PARD3: variants seen among roughly 807,000 people sequenced by gnomAD.
PARD3 encodes the protein partitioning defective 3 homolog.
A neutral mutation model predicts 155.4 loss-of-function variants in PARD3; 75 were observed. The observed-to-expected ratio is 0.48, with a 90% CI of 0.40 to 0.58. PARD3 has a LOEUF of 0.58. Among genes scored for constraint, PARD3 ranks in the 20% least tolerant of loss-of-function variants. The pLI is 0.00. For missense variants in PARD3, 1,642 were observed against 1,721.7 expected (o/e 0.95, Z 0.82); for synonymous variants, 576 against 610.5 (o/e 0.94, Z 0.83).
intron 1 of PARD3, among the ~76,000 whole-genome samples, chr10:34,760,213 GTATT>G (rs1837275746): frequency 6.6e-6 from 1 of 151,934 alleles, no homozygotes; most frequent in Non-Finnish European, 1.5e-5. Context: ...TGTAGAAACA[GTATT>G]TATTATGTTG....
intron 7 of PARD3, among the ~76,000 whole-genome samples, chr10:34,397,081 T>C (rs1330667350): frequency 6.6e-6 from 1 of 152,218 alleles, no homozygotes; most frequent in Non-Finnish European, 1.5e-5. Context: ...TCATCTTTGT[T>C]TCCTAGCACC....
chr10:34,261,276 TA>T (rs992053146), intron 22 of PARD3, among the ~76,000 whole-genome samples: 12 of 151,422 alleles, frequency 7.9e-5, no homozygotes, highest in African/African-American at 2.0e-4. Flanking sequence ...TTCAAGCAAA[TA>T]AAAAAAACAT....
intron 14 of PARD3, among the ~76,000 whole-genome samples, chr10:34,349,749 A>G (rs190910117): frequency 2.5e-4 from 38 of 152,134 alleles, no homozygotes; most frequent in Non-Finnish European, 4.6e-4. Flanking sequence ...ATAATTTATC[A>G]AAAGACAGAC....
chr10:34,447,646 C>CA (rs201638307), intron 5 of PARD3, among the ~76,000 whole-genome samples: 20 of 148,318 alleles, frequency 1.3e-4, no homozygotes, highest in Admixed American at 9.4e-4. Flanking sequence ...ACTAAAAATA[C>CA]AAAAAAAAAT....
At chr10:34,729,081 T>C (rs558207097) in intron 1 of PARD3, among the ~76,000 whole-genome samples, 1 of 152,210 alleles carries the variant, frequency 6.6e-6, no homozygotes, top group Admixed American at 6.5e-5. Context: ...AGGTGTGCAG[T>C]AGGCTCTGCA....
At chr10:34,405,405 A>C (rs1225904226) in intron 5 of PARD3, among the ~76,000 whole-genome samples, 2 of 152,224 alleles carry the variant, frequency 1.3e-5, no homozygotes, top group Non-Finnish European at 2.9e-5. Flanking sequence ...CCACTCGATC[A>C]AATAAAAAAC....
At chr10:34,735,754 T>C (rs1183457186) in intron 1 of PARD3, among the ~76,000 whole-genome samples, 1 of 152,234 alleles carries the variant, frequency 6.6e-6, no homozygotes, top group Non-Finnish European at 1.5e-5. Flanking sequence ...TTTTTATTCC[T>C]TTTAAAGTAA....
chr10:34,165,633 G>A (rs535150181), intron 22 of PARD3, among the ~76,000 whole-genome samples: 80 of 152,304 alleles, frequency 5.3e-4, no homozygotes, highest in African/African-American at 1.9e-3. Flanking sequence ...CTCAAATGAT[G>A]TTCTAACAGC....
intron 22 of PARD3, among the ~76,000 whole-genome samples, chr10:34,254,470 T>C (rs1454705353): frequency 6.6e-6 from 1 of 152,058 alleles, no homozygotes; most frequent in East Asian, 1.9e-4. Context: ...CTTTTTGTCA[T>C]TGTAATTGTG....
intron 22 of PARD3, among the ~76,000 whole-genome samples, chr10:34,268,338 A>C (rs901719948): frequency 2.6e-5 from 4 of 151,748 alleles, no homozygotes; most frequent in African/African-American, 9.7e-5. Flanking sequence ...GTGGGACTGT[A>C]AACTAGTTCA....
At position 34,317,334 on chromosome 10, in the gene PARD3, T is replaced by C. The variant is rs148970712; in HGVS notation, c.2838A>G (p.Glu946=). 107 of 1,592,708 alleles carry C rather than the reference T, an allele frequency of 6.7e-5. No individual in the cohort carries two copies. The African/African-American group carries it at 1.3e-3, about 20-fold the overall frequency. The change falls in exon 20 of 25, where the codon GAA becomes GAG. Residue 946 remains glutamate (E), a synonymous_variant. Coordinates refer to ENST00000374788, the MANE Select transcript of PARD3 (RefSeq NM_001184785.2). Reference sequence around the variant, plus strand: ...ATCTTGAACTTTCTTCTGTGTCTTCTTCCACTTGGAAGGAAAGAAAAAAAA... The same window carrying C: ...ATCTTGAACTTTCTTCTGTGTCTTCCTCCACTTGGAAGGAAAGAAAAAAAA... The part of the protein sequence containing the change: ...DDDDEGMETL[E]EDTEESSRSG...
intron 20 of PARD3, among the ~76,000 whole-genome samples, chr10:34,314,361 A>G (rs1957876723): frequency 6.6e-6 from 1 of 152,236 alleles, no homozygotes; most frequent in Non-Finnish European, 1.5e-5. Context: ...CATCGTGTGA[A>G]GGAAGGATCA....
Position 34,661,420 on chromosome 10 carries a change from C to T in PARD3, c.222+34898G>A, listed in dbSNP as rs563013390. On this transcript the variant is annotated intron_variant, in intron 2 of 24. Transcript: ENST00000374788. ...ATGTCAAACTTTTGTATTGATCATG[C>T]CTGATTAGGGTCCTTTTCCCCAAAT... Among the ~76,000 whole-genome samples, 5 of 152,228 alleles carry T rather than the reference C, an allele frequency of 3.3e-5. No homozygotes were observed. In the South Asian group the frequency reaches 1.0e-3, roughly 32 times the overall value.
chr10:34,555,320 C>T (rs763996673), intron 2 of PARD3, among the ~76,000 whole-genome samples: 1 of 152,034 alleles, frequency 6.6e-6, no homozygotes, highest in African/African-American at 2.4e-5. Context: ...TTGAATGTTA[C>T]CTTTAAACAC....
At chr10:34,478,607 G>A (rs535956841) in intron 3 of PARD3, among the ~76,000 whole-genome samples, 4 of 152,188 alleles carry the variant, frequency 2.6e-5, no homozygotes, top group East Asian at 3.9e-4. Context: ...GTAATGGTGC[G>A]ATCTCGGCTC....
At chr10:34,507,550 A>AAAAAAAAAAACAAAAAAAAAAAAC (rs549652757) in intron 3 of PARD3, among the ~76,000 whole-genome samples, 1 of 129,224 alleles carries the variant, frequency 7.7e-6, no homozygotes, top group Non-Finnish European at 1.5e-5. Context: ...TAAAAAAACA[A>AAAAAAAAAAACAAAAAAAAAAAAC]AAAAAAAAAA....
chr10:34,678,988 G>A (rs886385743), intron 2 of PARD3, among the ~76,000 whole-genome samples: 9 of 151,902 alleles, frequency 5.9e-5, no homozygotes, highest in African/African-American at 9.7e-5. Flanking sequence ...TTTCCCCTTC[G>A]CTCTGTCTGC....
intron 23 of PARD3, among the ~76,000 whole-genome samples, chr10:34,123,493 G>C (rs1025031978): frequency 6.6e-6 from 1 of 152,050 alleles, no homozygotes; most frequent in African/African-American, 2.4e-5. Flanking sequence ...CAAGGCTGGA[G>C]TACAGTGGCA....
chr10:34,496,976 T>A (rs1363609081), intron 3 of PARD3, among the ~76,000 whole-genome samples: 1 of 152,208 alleles, frequency 6.6e-6, no homozygotes, highest in African/African-American at 2.4e-5. Flanking sequence ...AAAATAATCC[T>A]GTTTGGATGA....
Sources: gnomAD v4.1 joint callset for allele counts (sites outside exome capture counted in the v4.1 genomes callset) on GRCh38, gnomAD v4.1.1 for gene constraint, MANE v1.5 for transcripts, NCBI Gene and HGNC (gene_info 2026-07-23, HGNC 2026-07-21) for gene names.